The following PDE5A variants were observed in gnomAD, a reference collection of about 807,000 sequenced individuals.
PDE5A encodes the protein phosphodiesterase 5A.
In PDE5A, 67 loss-of-function variants were observed where a neutral mutation model predicts 110.2. That is an observed-to-expected ratio of 0.61 (90% CI 0.50 to 0.75). The LOEUF (loss-of-function observed/expected upper bound fraction) is 0.75, where lower values mean the gene tolerates loss of function less well. Ranked by LOEUF, PDE5A falls within the 30% of genes least tolerant of loss-of-function variation. The probability of loss-of-function intolerance (pLI) is 0.00; values close to 1 mark genes in which losing one functional copy is unlikely to be tolerated. For synonymous variants in PDE5A, 328 were observed against 351.2 expected, an observed-to-expected ratio of 0.93 and a Z score of 0.74; for missense variants, 862 against 1,045.1, an observed-to-expected ratio of 0.82 and a Z score of 2.42.
At chr4:119,565,502 A>C in intron 4 of PDE5A, 92 bp from the exon 5 acceptor site, 1 of 812,266 alleles carries the variant, frequency 1.2e-6, no homozygotes, top group African/African-American at 1.7e-5. Context: ...TTACAGTTAG[A>C]AAGCCAAAAG....
chr4:119,531,436 G>A (rs926324852), intron 11 of PDE5A, among the ~76,000 whole-genome samples: 10 of 151,844 alleles, frequency 6.6e-5, no homozygotes, highest in South Asian at 2.1e-4. Context: ...ATGCCACCAC[G>A]CTAGCTAATT....
chr4:119,591,427 T>G (rs1728963222), intron 3 of PDE5A, among the ~76,000 whole-genome samples: 1 of 151,894 alleles, frequency 6.6e-6, no homozygotes, highest in Non-Finnish European at 1.5e-5. Context: ...CCATCCTGGT[T>G]TGTCAGCCAG....
chr4:119,628,586 G>A lies in PDE5A; in HGVS notation c.86C>T (p.Ser29Leu). Residue 29 changes from serine (S) to leucine (L), a missense_variant, in exon 1 of 21, where the codon TCG becomes TTG. By Grantham distance (145) the Ser-to-Leu change is moderately radical (BLOSUM62 -2). Transcript: ENST00000354960. Reference protein sequence around the residue: ...QQKQQQRDQDSVEAWLDDHWD... With the variant: ...QQKQQQRDQDLVEAWLDDHWD... Reference sequence around the variant, plus strand: ...GTGATCGTCCAGCCATGCTTCGACCGAGTCCTGATCCCTCTGCTGCTGCTT... The same window carrying A: ...GTGATCGTCCAGCCATGCTTCGACCAAGTCCTGATCCCTCTGCTGCTGCTT... The A allele has an allele frequency of 6.2e-7, 1 of 1,613,098 alleles. No homozygotes were observed. The highest frequency in any genetic ancestry group is 8.5e-7 in the Non-Finnish European group (1 of 1,179,368).
chr4:119,529,135 G>A (rs1726437156), intron 11 of PDE5A, among the ~76,000 whole-genome samples: 1 of 152,006 alleles, frequency 6.6e-6, no homozygotes, highest in Admixed American at 6.6e-5. Context: ...TTCAGGGATG[G>A]GGGAAGTGTC....
chr4:119,591,540 G>A (rs745717694), intron 3 of PDE5A, among the ~76,000 whole-genome samples: 7 of 152,238 alleles, frequency 4.6e-5, no homozygotes, highest in Middle Eastern at 6.8e-3. Context: ...AAATTTTCAC[G>A]ACAAAGAGTA....
At chr4:119,626,378 G>A (rs963879594) in intron 1 of PDE5A, among the ~76,000 whole-genome samples, 1 of 152,092 alleles carries the variant, frequency 6.6e-6, no homozygotes, top group Non-Finnish European at 1.5e-5. Context: ...AGTCAAAAAC[G>A]ACCAACAAGC....
rs1329937655 is a variant in PDE5A at position 119,601,359 on chromosome 4, C to T, written c.742-4747G>A. 2.6e-5 allele frequency among the ~76,000 whole-genome samples: 4 copies of T among 152,048 alleles called. No individual in the cohort carries two copies. The East Asian group carries it at 7.7e-4, about 29-fold the overall frequency. ...AATAAAAAGCTGGGAAAAATGAGGT[C>T]TAGGGAAGCTTCCAGGGTGGTGAAC... On this transcript the variant is annotated intron_variant, in intron 2 of 20. Coordinates refer to ENST00000354960, the MANE Select transcript of PDE5A (RefSeq NM_001083.4).
rs751233970 is a variant in PDE5A at position 119,567,082 on chromosome 4, T to C, written c.894A>G (p.Lys298=). Residue 298 remains lysine (K), a synonymous_variant, in exon 4 of 21, where the codon AAA becomes AAG. Coordinates refer to ENST00000354960, the MANE Select transcript of PDE5A (RefSeq NM_001083.4). ...ACACAAGTTTTGGTACCTTTTCATC[T>C]TTTTCAGTAAATGTCCCACCGTTTC... ...KSGNGGTFTE[K]DEKDFAAYLA... 1 of 1,611,186 alleles carries C rather than the reference T, an allele frequency of 6.2e-7. No individual in the cohort carries two copies. Among genetic ancestry groups the C allele is most frequent in the Non-Finnish European group, 8.5e-7 (1 of 1,177,482 alleles).
chr4:119,577,065 G>A (rs1271989993), intron 3 of PDE5A, among the ~76,000 whole-genome samples: 3 of 152,122 alleles, frequency 2.0e-5, no homozygotes, highest in South Asian at 2.1e-4. Flanking sequence ...ACACCTCTAC[G>A]CAAATAAACT....
chr4:119,531,866 C>T (rs1726554777), intron 11 of PDE5A, among the ~76,000 whole-genome samples: 1 of 152,120 alleles, frequency 6.6e-6, no homozygotes, highest in Non-Finnish European at 1.5e-5. Context: ...TGAGATCACA[C>T]ACCTGGAATT....
At position 119,606,983 on chromosome 4, in the gene PDE5A, A is replaced by G. The variant is rs1322036047; in HGVS notation, c.467T>C (p.Val156Ala). The stretch of plus-strand genomic sequence containing the variant: ...ATCCAAATGACTAGAAATATCCTTC[A>G]CTAATTCCAAGAGTCTTGAGCACTG... ...GDQCSRLLEL[V>A]KDISSHLDVT... Residue 156 changes from valine to alanine, a missense_variant, in exon 2 of 21, where the codon GTG becomes GCG. Physicochemically the swap from Val to Ala is moderately conservative, Grantham distance 64 (BLOSUM62 0). Coordinates refer to ENST00000354960, the MANE Select transcript of PDE5A (RefSeq NM_001083.4). 2 of 1,614,150 alleles carry G rather than the reference A, an allele frequency of 1.2e-6. No individual in the cohort carries two copies. The highest frequency in any genetic ancestry group is 1.7e-6 in the Non-Finnish European group (2 of 1,180,026).
intron 13 of PDE5A, 190 bp from the exon 14 acceptor site, chr4:119,519,329 G>T: frequency 2.0e-6 from 1 of 498,580 alleles, no homozygotes; most frequent in Non-Finnish European, 3.6e-6. Context: ...TTCAGAATGG[G>T]ATCACCACAA....
intron 9 of PDE5A, among the ~76,000 whole-genome samples, chr4:119,550,919 C>T (rs115231103): frequency 2.3e-3 from 350 of 152,198 alleles, no homozygotes; most frequent in African/African-American, 8.2e-3. Flanking sequence ...TCTTTTATTG[C>T]TTATGTTAGA....
intron 20 of PDE5A, chr4:119,500,136 G>A (rs1216463209): frequency 6.6e-6 from 1 of 152,122 alleles, no homozygotes; most frequent in Non-Finnish European, 1.5e-5. Context: ...GAAAGAATGA[G>A]ATGTCCAAGT....
chr4:119,602,473 A>G (rs1156933131), intron 2 of PDE5A, among the ~76,000 whole-genome samples: 1 of 152,200 alleles, frequency 6.6e-6, no homozygotes, highest in Non-Finnish European at 1.5e-5. Context: ...TTGACAAATT[A>G]TAAGGCTGGT....
intron 3 of PDE5A, among the ~76,000 whole-genome samples, chr4:119,586,509 A>G (rs2389863): frequency 0.78 from 117,898 of 152,088 alleles, 45,869 homozygotes; most frequent in East Asian, 0.89. Context: ...ATGTTTGTAC[A>G]TATCTATTGA....
Position 119,627,954 on chromosome 4 carries a change from A to T in PDE5A, c.152+566T>A. 9 of 665,526 alleles carry T rather than the reference A, an allele frequency of 1.4e-5. No homozygotes were observed. The highest frequency in any genetic ancestry group is 1.7e-5 in the Non-Finnish European group (9 of 536,978). 41.2% of individuals were successfully genotyped at this position (665,526 alleles called of 1,614,324 possible). ...GCGAGTGAAAGGAGGCGCGCGGGAC[A>T]AGCAGGAGACTGGAAGGGGGGAAAA... On this transcript the variant is annotated intron_variant, in intron 1 of 20. Transcript: ENST00000354960. The surrounding 1 kb of genome is among the most constrained non-coding windows in gnomAD (Gnocchi z 4.6).
chr4:119,607,629 G>A (rs746874169), intron 1 of PDE5A, among the ~76,000 whole-genome samples: 4 of 151,948 alleles, frequency 2.6e-5, no homozygotes, highest in Non-Finnish European at 5.9e-5. Flanking sequence ...CCTAACTACT[G>A]GGGAGACTGA....
rs994917229 is a variant in PDE5A, at chr4:119,504,582, G to C, written c.2285C>G (p.Ala762Gly). Residue 762 changes from alanine (A) to glycine (G), a missense_variant, in exon 18 of 21, where the codon GCT becomes GGT. Coordinates refer to ENST00000354960, the MANE Select transcript of PDE5A (RefSeq NM_001083.4). ...TTTTGTAATTGCAGAAAGATCACAA[G>C]CTGTCATCAGCATTGCCCTGTTATG... ...KELFLAMLMT[A>G]CDLSAITKPW... 6.2e-7 allele frequency: 1 copy of C among 1,612,174 alleles called. No individual in the cohort carries two copies. The highest frequency in any genetic ancestry group is 8.5e-7 in the Non-Finnish European group (1 of 1,178,868).
Sources: allele counts gnomAD v4.1 joint callset (sites outside exome capture counted in the v4.1 genomes callset), GRCh38; gene constraint gnomAD v4.1.1; non-coding constraint Gnocchi (gnomAD v3.1); transcripts MANE v1.5; gene names NCBI Gene and HGNC (gene_info 2026-07-23, HGNC 2026-07-21).